Variants in TSPEAR observed in about 807,000 individuals in gnomAD.
The protein encoded by TSPEAR is thrombospondin-type laminin G domain and EAR repeat-containing protein.
In TSPEAR, 69 loss-of-function variants were observed where a neutral mutation model predicts 71.6. The observed-to-expected ratio is 0.96, with a 90% confidence interval of 0.79 to 1.18. TSPEAR has a LOEUF of 1.18. Among genes scored for constraint, TSPEAR ranks in the 50% most tolerant of loss-of-function variants. The pLI is 0.00. For synonymous variants in TSPEAR, 402 were observed against 387.2 expected, an observed-to-expected ratio of 1.04 and a Z score of -0.45; for missense variants, 971 against 894.9, an observed-to-expected ratio of 1.09 and a Z score of -1.09.
intron 2 of TSPEAR, chr21:44,557,792 G>T: frequency 1.8e-6 from 1 of 544,272 alleles, no homozygotes; most frequent in African/African-American, 1.9e-5. Context: ...ACCTCTGAGA[G>T]GGCACATTGG....
chr21:44,638,602 C>T (rs1342880660), intron 1 of TSPEAR: 6 of 235,906 alleles, frequency 2.5e-5, no homozygotes, highest in African/African-American at 9.0e-5. Flanking sequence ...TGTGGACCCC[C>T]GAGGGGCATG....
At chr21:44,633,550 C>T (rs1983374332) in intron 1 of TSPEAR, among the ~76,000 whole-genome samples, 1 of 152,124 alleles carries the variant, frequency 6.6e-6, no homozygotes, top group African/African-American at 2.4e-5. Flanking sequence ...AGTTTTCCTT[C>T]TGTTATTGAT....
At chr21:44,530,927 C>A in intron 4 of TSPEAR, 116 bp downstream of exon 4, 1 of 847,672 alleles carries the variant, frequency 1.2e-6, no homozygotes, top group East Asian at 2.6e-5. Context: ...CACGCTGTAC[C>A]TTCTTTTCCC....
intron 7 of TSPEAR, among the ~76,000 whole-genome samples, chr21:44,526,467 A>G (rs2052857432): frequency 6.6e-6 from 1 of 152,046 alleles, no homozygotes; most frequent in Non-Finnish European, 1.5e-5. Context: ...TATAACAAAA[A>G]ATTAAAACCT....
At chr21:44,511,275 T>C (rs1201168735) in intron 9 of TSPEAR, among the ~76,000 whole-genome samples, 2 of 152,042 alleles carry the variant, frequency 1.3e-5, no homozygotes, top group Admixed American at 6.5e-5. Flanking sequence ...TATGCATACA[T>C]ACACAAACAT....
intron 1 of TSPEAR, among the ~76,000 whole-genome samples, chr21:44,671,436 T>C (rs587606090): frequency 8.5e-5 from 13 of 152,180 alleles, no homozygotes; most frequent in African/African-American, 3.1e-4. Context: ...CATATGCTAC[T>C]CAGGGGCCTA....
intron 1 of TSPEAR, chr21:44,677,730 T>G (rs1986385376): frequency 2.1e-6 from 3 of 1,412,562 alleles, no homozygotes; most frequent in Admixed American, 3.4e-5. Flanking sequence ...TTTAAATTCT[T>G]TTGTTACTTC....
intron 2 of TSPEAR, among the ~76,000 whole-genome samples, chr21:44,553,010 C>T (rs1464593843): frequency 2.0e-5 from 3 of 152,168 alleles, no homozygotes; most frequent in South Asian, 4.1e-4. Flanking sequence ...GGGGGAGGGT[C>T]CCACAGACCT....
At chr21:44,518,509 C>T in intron 9 of TSPEAR, 1 of 397,200 alleles carries the variant, frequency 2.5e-6, no homozygotes, top group South Asian at 1.9e-5. Flanking sequence ...TCTCTTGTCA[C>T]CTCACTTTGT....
intron 9 of TSPEAR, among the ~76,000 whole-genome samples, chr21:44,514,223 C>T (rs1313928908): frequency 1.3e-5 from 2 of 152,254 alleles, no homozygotes; most frequent in Admixed American, 1.3e-4. Flanking sequence ...CAGACACAGC[C>T]AGGCCTCATG....
Position 44,612,193 on chromosome 21 carries a change from C to T in TSPEAR, c.83-44188G>A. On this transcript the variant is annotated intron_variant, in intron 1 of 11. Coordinates refer to ENST00000323084, the MANE Select transcript of TSPEAR (RefSeq NM_144991.3). This position sits in a 1 kb window ranked among gnomAD's most constrained non-coding sequence, Gnocchi z 4.1. Reference sequence around the variant, plus strand: ...ACGTGGGCCATGTCAGCCGAGTCTCCTCCCCCAGCACCTGCACTGGCTCCT... The same window carrying T: ...ACGTGGGCCATGTCAGCCGAGTCTCTTCCCCCAGCACCTGCACTGGCTCCT... The T allele has an allele frequency of 6.2e-7, 1 of 1,614,010 alleles. No homozygotes were observed.
chr21:44,552,625 CG>C (rs2053461460), intron 2 of TSPEAR, among the ~76,000 whole-genome samples: 1 of 152,180 alleles, frequency 6.6e-6, no homozygotes, highest in African/African-American at 2.4e-5. Context: ...AGAAATGAGA[CG>C]TGAACCTCTG....
At chr21:44,571,842 C>T (rs1437898904) in intron 1 of TSPEAR, among the ~76,000 whole-genome samples, 15 of 152,196 alleles carry the variant, frequency 9.9e-5, no homozygotes, top group East Asian at 3.8e-4. Context: ...CACAGAAGAG[C>T]GGGACAGCTC....
At chr21:44,709,183 G>C (rs1601590016) in intron 1 of TSPEAR, among the ~76,000 whole-genome samples, 3 of 151,456 alleles carry the variant, frequency 2.0e-5, no homozygotes, top group African/African-American at 7.3e-5. Flanking sequence ...CTCCTGCCTT[G>C]ATCTCCTGTC....
chr21:44,682,129 C>T (rs1235972132), intron 1 of TSPEAR: 10 of 1,612,938 alleles, frequency 6.2e-6, no homozygotes, highest in African/African-American at 1.3e-5. Context: ...CACATGGTGG[C>T]GTGTGGCTGG....
chr21:44,558,600 G>C, intron 2 of TSPEAR: 3 of 1,611,756 alleles, frequency 1.9e-6, no homozygotes, highest in South Asian at 1.1e-5. Flanking sequence ...GCAGGGGGCC[G>C]GGGCGCAGCA....
intron 1 of TSPEAR, chr21:44,654,567 G>T: frequency 6.2e-7 from 1 of 1,604,980 alleles, no homozygotes; most frequent in Non-Finnish European, 8.5e-7. Context: ...AGCACGGGGA[G>T]CCAGGGCAGG....
chr21:44,541,780 T>C (rs1261781816), intron 2 of TSPEAR, among the ~76,000 whole-genome samples: 2 of 152,206 alleles, frequency 1.3e-5, no homozygotes, highest in Admixed American at 6.5e-5. Flanking sequence ...CCAGAAAGAA[T>C]GAAACCTATC....
intron 1 of TSPEAR, among the ~76,000 whole-genome samples, chr21:44,679,751 G>A (rs1413476670): frequency 2.0e-5 from 3 of 152,158 alleles, no homozygotes; most frequent in African/African-American, 7.2e-5. Context: ...ACAGCCAATT[G>A]ATTTTCAACA....
Sources: allele counts gnomAD v4.1 joint callset (sites outside exome capture counted in the v4.1 genomes callset), GRCh38; gene constraint gnomAD v4.1.1; non-coding constraint Gnocchi (gnomAD v3.1); transcripts MANE v1.5; gene names NCBI Gene and HGNC (gene_info 2026-07-23, HGNC 2026-07-21).